The following ZNF804A variants were observed in gnomAD, a reference collection of about 807,000 sequenced individuals.
ZNF804A encodes the protein zinc finger protein 804A.
A neutral mutation model predicts 16.5 loss-of-function variants in ZNF804A; 2 were observed. That is an observed-to-expected ratio of 0.12 (90% confidence interval 0.05 to 0.38). The LOEUF (loss-of-function observed/expected upper bound fraction) is 0.38, where lower values mean the gene tolerates loss of function less well. Ranked by LOEUF, ZNF804A falls within the 10% of genes least tolerant of loss-of-function variation. The probability of loss-of-function intolerance (pLI) is 0.99; values close to 1 mark genes in which losing one functional copy is unlikely to be tolerated. For missense variants in ZNF804A, 1,473 were observed against 1,390.7 expected (o/e 1.06, Z -0.94); for synonymous variants, 534 against 489.6 (o/e 1.09, Z -1.20).
intron 1 of ZNF804A, among the ~76,000 whole-genome samples, chr2:184,853,996 G>A (rs1364534817): frequency 6.6e-6 from 1 of 151,408 alleles, no homozygotes; most frequent in East Asian, 1.9e-4. Context: ...ATTGGTATTA[G>A]CCTTAAATGT....
chr2:184,645,008 C>T (rs1691849903), intron 1 of ZNF804A, among the ~76,000 whole-genome samples: 1 of 151,890 alleles, frequency 6.6e-6, no homozygotes, highest in African/African-American at 2.4e-5. Flanking sequence ...TAATTATCAC[C>T]TGCTTGTAGT....
At chr2:184,872,702 T>C (rs989539469) in intron 2 of ZNF804A, among the ~76,000 whole-genome samples, 3 of 152,182 alleles carry the variant, frequency 2.0e-5, no homozygotes, top group African/African-American at 7.2e-5. Flanking sequence ...GACCTCAGAT[T>C]CAACAAAGCT....
chr2:184,607,831 A>G (rs568038003), intron 1 of ZNF804A, among the ~76,000 whole-genome samples: 6 of 151,480 alleles, frequency 4.0e-5, no homozygotes, highest in South Asian at 2.1e-4. Flanking sequence ...GTCAATGTCC[A>G]CCAGCCAGAA....
intron 1 of ZNF804A, among the ~76,000 whole-genome samples, chr2:184,610,436 T>C (rs1002390520): frequency 3.3e-5 from 5 of 151,974 alleles, no homozygotes; most frequent in Non-Finnish European, 7.4e-5. Flanking sequence ...ATGTTTGAAG[T>C]CAATAAGTTA....
chr2:184,667,979 G>T (rs1283783998), intron 1 of ZNF804A, among the ~76,000 whole-genome samples: 1 of 151,510 alleles, frequency 6.6e-6, no homozygotes, highest in African/African-American at 2.4e-5. Flanking sequence ...TGATCTCTTG[G>T]ATTGAAAACT....
At chr2:184,786,029 C>A (rs1456203049) in intron 1 of ZNF804A, among the ~76,000 whole-genome samples, 2 of 151,884 alleles carry the variant, frequency 1.3e-5, no homozygotes, top group Non-Finnish European at 2.9e-5. Context: ...TCTCAAATTC[C>A]CAGTGTATGA....
At chr2:184,850,399 G>T (rs1011298684) in intron 1 of ZNF804A, among the ~76,000 whole-genome samples, 6 of 151,704 alleles carry the variant, frequency 4.0e-5, no homozygotes, top group African/African-American at 1.5e-4. Context: ...CTGGAAACTG[G>T]CTGACTCAAT....
intron 1 of ZNF804A, among the ~76,000 whole-genome samples, chr2:184,662,979 C>G (rs772424776): frequency 2.6e-5 from 4 of 152,176 alleles, no homozygotes; most frequent in African/African-American, 9.7e-5. Flanking sequence ...TATTAGGTTA[C>G]CATACAAGAT....
intron 1 of ZNF804A, among the ~76,000 whole-genome samples, chr2:184,748,551 T>C (rs1029243836): frequency 1.3e-5 from 2 of 151,378 alleles, no homozygotes; most frequent in East Asian, 3.9e-4. Flanking sequence ...GCATAGCTTG[T>C]CAATATTTTC....
rs551075052 is a variant in ZNF804A, at chr2:184,690,299, T to C, written c.111+91229T>C. Among the ~76,000 whole-genome samples the C allele has an allele frequency of 3.3e-5, 5 of 152,110 alleles. No individual in the cohort carries two copies. The South Asian group carries it at 1.0e-3, about 31-fold the overall frequency. On this transcript the variant is annotated intron_variant, in intron 1 of 3. Coordinates refer to ENST00000302277, the MANE Select transcript of ZNF804A (RefSeq NM_194250.2). ...TTTGGTGTATTATTGGACCCTAAAT[T>C]TGAGTATCATAGCACCATGCATTTT...
intron 1 of ZNF804A, among the ~76,000 whole-genome samples, chr2:184,731,195 G>T (rs775514191): frequency 1.6e-5 from 2 of 128,656 alleles, no homozygotes; most frequent in South Asian, 2.6e-4. Context: ...AGGTTGCAGT[G>T]AGCTGAGATC....
At chr2:184,672,876 G>A (rs1046339553) in intron 1 of ZNF804A, among the ~76,000 whole-genome samples, 4 of 152,052 alleles carry the variant, frequency 2.6e-5, no homozygotes, top group African/African-American at 9.7e-5. Flanking sequence ...CAAGTAGCTG[G>A]GACTACAGGC....
intron 2 of ZNF804A, among the ~76,000 whole-genome samples, chr2:184,905,097 G>C (rs1478350756): frequency 2.0e-5 from 3 of 150,152 alleles, no homozygotes; most frequent in African/African-American, 7.3e-5. Flanking sequence ...GAGTGTCTGT[G>C]TGTGTGTGTG....
At chr2:184,646,620 A>G (rs1157004230) in intron 1 of ZNF804A, among the ~76,000 whole-genome samples, 1 of 152,122 alleles carries the variant, frequency 6.6e-6, no homozygotes, top group Admixed American at 6.5e-5. Context: ...GCTGCCCCAC[A>G]ACTCCTGTGC....
intron 1 of ZNF804A, among the ~76,000 whole-genome samples, chr2:184,671,277 G>A (rs539851118): frequency 6.6e-6 from 1 of 152,296 alleles, no homozygotes; most frequent in South Asian, 2.1e-4. Context: ...CTTATTCAAG[G>A]AAACTAATCT....
intron 1 of ZNF804A, among the ~76,000 whole-genome samples, chr2:184,698,554 T>C (rs1692871946): frequency 6.6e-6 from 1 of 152,116 alleles, no homozygotes; most frequent in East Asian, 1.9e-4. Flanking sequence ...TTATCCTGTG[T>C]CATTTAGGAT....
intron 1 of ZNF804A, among the ~76,000 whole-genome samples, chr2:184,827,944 A>C (rs1335319569): frequency 6.6e-6 from 1 of 151,792 alleles, no homozygotes; most frequent in East Asian, 1.9e-4. Flanking sequence ...AAATAATTCG[A>C]TGTTCAGATG....
intron 1 of ZNF804A, among the ~76,000 whole-genome samples, chr2:184,656,759 T>TAC (rs1692081425): frequency 6.6e-6 from 1 of 151,820 alleles, no homozygotes; most frequent in African/African-American, 2.4e-5. Context: ...CATATATATA[T>TAC]ACACATACAT....
chr2:184,858,539 T>C (rs2105807545), intron 1 of ZNF804A, among the ~76,000 whole-genome samples: 1 of 152,024 alleles, frequency 6.6e-6, no homozygotes, highest in South Asian at 2.1e-4. Flanking sequence ...AACTTAAATT[T>C]GAGAGCATTA....
Sources: gnomAD v4.1 joint callset for allele counts (sites outside exome capture counted in the v4.1 genomes callset) on GRCh38, gnomAD v4.1.1 for gene constraint, MANE v1.5 for transcripts, NCBI Gene and HGNC (gene_info 2026-07-23, HGNC 2026-07-21) for gene names.